Variants in MGAM observed in about 807,000 individuals in gnomAD.
MGAM encodes the protein alpha-1,4-glucosidase.
MGAM carries 253 observed loss-of-function variants against 358.8 expected under a neutral mutation model. The observed-to-expected ratio is 0.71, with a 90% CI of 0.64 to 0.78. The LOEUF is 0.78. MGAM is among the 30% of genes least tolerant of loss of function. MGAM has a pLI of 0.00. For synonymous variants in MGAM, 1,105 were observed against 1,227.1 expected, an observed-to-expected ratio of 0.90 and a Z score of 2.08; for missense variants, 3,080 against 3,432.6, an observed-to-expected ratio of 0.90 and a Z score of 2.57.
intron 10 of MGAM, among the ~76,000 whole-genome samples, chr7:142,028,031 G>A (rs916441988): frequency 2.6e-5 from 4 of 151,886 alleles, no homozygotes; most frequent in Admixed American, 2.0e-4. Flanking sequence ...CTTTTTTTGT[G>A]CTTACTGTAT....
chr7:142,096,401 C>A lies in MGAM; in HGVS notation c.7678C>A (p.Pro2560Thr). The A allele has an allele frequency of 6.2e-7, 1 of 1,613,722 alleles. No homozygotes were observed. Among genetic ancestry groups the A allele is most frequent in the Non-Finnish European group, 8.5e-7 (1 of 1,179,708 alleles). Residue 2560 changes from proline (P) to threonine (T), a missense_variant, in exon 65 of 71, where the codon CCT becomes ACT. Coordinates refer to ENST00000475668, the MANE Select transcript of MGAM (RefSeq NM_001365693.1). Reference sequence around the variant, plus strand: ...GCTGGGCCCAGCCTTCCTGGTCAGCCCTGTCCTGGAGCGTGTGAGTATGGA... The same window carrying A: ...GCTGGGCCCAGCCTTCCTGGTCAGCACTGTCCTGGAGCGTGTGAGTATGGA... ...FLLGPAFLVS[P>T]VLERNARNVT... is the part of the protein sequence containing the mutation.
At chr7:142,047,333 T>C (rs903556541) in intron 21 of MGAM, among the ~76,000 whole-genome samples, 1 of 152,196 alleles carries the variant, frequency 6.6e-6, no homozygotes, top group African/African-American at 2.4e-5. Context: ...ATGGACCTTA[T>C]TATATGTTGT....
At chr7:142,028,589 T>G (rs1554461805) in intron 10 of MGAM, among the ~76,000 whole-genome samples, 1 of 152,212 alleles carries the variant, frequency 6.6e-6, no homozygotes, top group Admixed American at 6.5e-5. Context: ...TTTACATTGA[T>G]ATTTTGATTA....
At chr7:142,105,293 AT>A (rs34188746) in intron 70 of MGAM, among the ~76,000 whole-genome samples, 4,326 of 147,812 alleles carry the variant, frequency 0.029, 109 homozygotes, top group African/African-American at 0.062. Flanking sequence ...CATATTGAAC[AT>A]TTTTTTTTTT....
At chr7:142,016,847 A>G (rs1427445481) in intron 3 of MGAM, among the ~76,000 whole-genome samples, 1 of 152,120 alleles carries the variant, frequency 6.6e-6, no homozygotes, top group Non-Finnish European at 1.5e-5. Context: ...CCTGCCTCCC[A>G]AAGTGCTGGG....
At chr7:142,056,970 G>A in intron 30 of MGAM, 28 bp downstream of exon 30, 3 of 1,606,566 alleles carry the variant, frequency 1.9e-6, no homozygotes, top group Non-Finnish European at 2.6e-6. Context: ...TGTTTATCAA[G>A]TACTTACACA....
Position 142,008,582 on chromosome 7 carries a change from A to G in MGAM, c.204A>G (p.Thr68=). The G allele has an allele frequency of 1.9e-6, 3 of 1,613,048 alleles. No individual in the cohort carries two copies. Among genetic ancestry groups the G allele is most frequent in the Non-Finnish European group, 2.5e-6 (3 of 1,179,300 alleles). Residue 68 remains threonine (T), a synonymous_variant, in exon 3 of 71, where the codon ACA becomes ACG. Transcript: ENST00000475668. The stretch of plus-strand genomic sequence containing the variant: ...CAGATCCTGGAACAACTGGTACCAC[A>G]CATGCTAGGACAACGGGTCCCCCAG... ...GTPDPGTTGT[T]HARTTGPPDP...
At position 142,073,073 on chromosome 7, in the gene MGAM, A is replaced by G. The variant is rs1813471313; in HGVS notation, c.5187-1012A>G. Among the ~76,000 whole-genome samples the G allele has an allele frequency of 2.0e-5, 3 of 146,354 alleles. No homozygotes were observed. In the South Asian group the frequency reaches 6.5e-4, roughly 32 times the overall value. On this transcript the variant is annotated intron_variant, in intron 44 of 70. Coordinates refer to ENST00000475668, the MANE Select transcript of MGAM (RefSeq NM_001365693.1). ...ACTGGGTAAGTCTCCAGAAGAATAT[A>G]CAGTCTACCATATTTGTAGAACTGT...
chr7:142,084,303 G>A lies in MGAM; in HGVS notation c.6382-216G>A, dbSNP rs755981486. Among the ~76,000 whole-genome samples, 7 of 145,924 alleles carry A rather than the reference G, an allele frequency of 4.8e-5. No individual in the cohort carries two copies. The East Asian group carries it at 6.1e-4, about 13-fold the overall frequency. Reference sequence around the variant, plus strand: ...CCTACAGTGTCTCTAGGAATGGAGTGAAATCAGCTTTTCCATAATTTTTAA... The same window carrying A: ...CCTACAGTGTCTCTAGGAATGGAGTAAAATCAGCTTTTCCATAATTTTTAA... On this transcript the variant is annotated intron_variant, in intron 53 of 70. Coordinates refer to ENST00000475668, the MANE Select transcript of MGAM (RefSeq NM_001365693.1).
intron 59 of MGAM, 137 bp from the exon 60 acceptor site, chr7:142,093,275 C>T: frequency 8.4e-7 from 1 of 1,185,632 alleles, no homozygotes; most frequent in Admixed American, 2.1e-5. Context: ...GCGCTGTGCT[C>T]ATGTCTCTGG....
rs1238467303 is a variant in MGAM, at chr7:142,083,346, G to C, written c.6314G>C (p.Gly2105Ala). ...CCTGCCTTGACATACCGTACCACAG[G>C]GGGAGTTCTGGACTTTTATGTGTTC... ...PLPALTYRTT[G>A]GVLDFYVFLG... The change falls in exon 53 of 71, where the codon GGG (glycine) becomes GCG (alanine). Residue 2105 changes from glycine to alanine, a missense_variant. By Grantham distance (60) the Gly-to-Ala change is moderately conservative. Around this residue, in one of 5 missense-constraint regions of MGAM, gnomAD observed 932 missense variants for 1,198.2 expected, o/e 0.78. Coordinates refer to ENST00000475668, the MANE Select transcript of MGAM (RefSeq NM_001365693.1). 4 of 1,554,360 alleles carry C rather than the reference G, an allele frequency of 2.6e-6. 1 individual carries two copies. In the South Asian group the frequency reaches 4.5e-5, roughly 17 times the overall value.
At chr7:142,028,966 C>G (rs1457411210) in intron 10 of MGAM, among the ~76,000 whole-genome samples, 3 of 152,074 alleles carry the variant, frequency 2.0e-5, no homozygotes, top group Admixed American at 1.3e-4. Context: ...ACACAGCCAC[C>G]ATAATAATGA....
In MGAM at chr7:142,027,137, A is replaced by G. The variant is rs781870799; in HGVS notation, c.1005A>G (p.Pro335=). The G allele has an allele frequency of 5.0e-5, 80 of 1,613,444 alleles. No homozygotes were observed. Among genetic ancestry groups the G allele is most frequent in the African/African-American group, 1.3e-5 (1 of 74,904 alleles). ...AAGAGGTTGTCCTTCAGCCTGCGCCAGCCATCACTTACCGCACCATTGGGG... is the reference window on the plus strand; with the variant it reads ...AAGAGGTTGTCCTTCAGCCTGCGCCGGCCATCACTTACCGCACCATTGGGG... ...NAMEVVLQPA[P]AITYRTIGGI... is the part of the protein sequence containing the mutation. The change falls in exon 9 of 71, where the codon CCA becomes CCG. Residue 335 remains proline, a synonymous_variant. Transcript: ENST00000475668.
At position 142,034,700 on chromosome 7, in the gene MGAM, A is replaced by G. The variant is rs1554465138; in HGVS notation, c.1818A>G (p.Arg606=). Residue 606 remains arginine, a synonymous_variant, in exon 16 of 71, where the codon AGA becomes AGG. Coordinates refer to ENST00000475668, the MANE Select transcript of MGAM (RefSeq NM_001365693.1). ...CCAAGACTGTGTTCCCTAATAAGAG[A>G]AGCTTCATTCTGACCCGTTCTACCT... ...EAAKTVFPNK[R]SFILTRSTFA... 2 of 1,613,478 alleles carry G rather than the reference A, an allele frequency of 1.2e-6. No individual in the cohort carries two copies. The highest frequency in any genetic ancestry group is 4.5e-5 in the East Asian group (2 of 44,830).
Position 142,040,099 on chromosome 7 carries a change from A to AT in MGAM, c.2317-9dup, listed in dbSNP as rs764203314. The AT allele has an allele frequency of 6.9e-6, 11 of 1,599,842 alleles. No individual in the cohort carries two copies. Among genetic ancestry groups the AT allele is most frequent in the South Asian group, 2.2e-5 (2 of 89,854 alleles). On this transcript the variant is annotated splice_polypyrimidine_tract_variant and intron_variant, in intron 19 of 70. Coordinates refer to ENST00000475668, the MANE Select transcript of MGAM (RefSeq NM_001365693.1). ...TTTTATTTCCCTCAGGGGACACTAC[A>AT]TTTTTTTAATTTCAGGGTGCAGAGA...
Position 142,022,435 on chromosome 7 carries a change from A to G in MGAM, c.878A>G (p.Asn293Ser), listed in dbSNP as rs782126641. The change falls in exon 7 of 71, where the codon AAT (asparagine) becomes AGT (serine). Residue 293 changes from asparagine to serine, a missense_variant. Asn to Ser is a conservative substitution (Grantham distance 46). Coordinates refer to ENST00000475668, the MANE Select transcript of MGAM (RefSeq NM_001365693.1). ...WPIFNRDTTP[N>S]GNGTNLYGAQ... is the part of the protein sequence containing the mutation. ...ATATTTAACAGAGACACAACTCCCAATGGAGTAAGCTTTCAAATGGGCCCC... is the reference window on the plus strand; with the variant it reads ...ATATTTAACAGAGACACAACTCCCAGTGGAGTAAGCTTTCAAATGGGCCCC... 3.0e-5 allele frequency: 48 copies of G among 1,612,610 alleles called. No homozygotes were observed. In the Middle Eastern group the frequency reaches 2.6e-3, roughly 89 times the overall value.
chr7:142,042,830 T>G (rs532340712), intron 21 of MGAM, among the ~76,000 whole-genome samples: 294 of 27,952 alleles, frequency 0.011, 8 homozygotes, highest in Middle Eastern at 0.038. Flanking sequence ...AAATATAATA[T>G]CTATATTATA....
rs1174107681 is a variant in MGAM, at chr7:142,064,380, T to C, written c.4346-4T>C. On this transcript the variant is annotated splice_polypyrimidine_tract_variant and splice_region_variant and intron_variant, in intron 36 of 70. Coordinates refer to ENST00000475668, the MANE Select transcript of MGAM (RefSeq NM_001365693.1). The stretch of plus-strand genomic sequence containing the variant: ...GTTTCACCTCGCCAGTTCTTCCTCC[T>C]CAGATTTGGAGTCCAGGGACAGGGG... 6.2e-7 allele frequency: 1 copy of C among 1,606,390 alleles called. No homozygotes were observed. The highest frequency in any genetic ancestry group is 1.7e-5 in the Admixed American group (1 of 59,074).
chr7:142,100,374 A>T (rs1170608745), intron 67 of MGAM, among the ~76,000 whole-genome samples: 1 of 152,220 alleles, frequency 6.6e-6, no homozygotes, highest in Non-Finnish European at 1.5e-5. Context: ...CTCTGGTATC[A>T]ATACTAACAT....
Sources: allele counts gnomAD v4.1 joint callset (sites outside exome capture counted in the v4.1 genomes callset), GRCh38; gene constraint gnomAD v4.1.1; regional missense constraint gnomAD v4.1.1; transcripts MANE v1.5; gene names NCBI Gene and HGNC (gene_info 2026-07-23, HGNC 2026-07-21).